Variants in KHDRBS2 observed in about 807,000 individuals in gnomAD.
The protein encoded by KHDRBS2 is KH RNA binding domain containing, signal transduction associated 2, also known as KH domain-containing, RNA-binding, signal transduction-associated protein 2.
KHDRBS2 carries 26 observed loss-of-function variants against 44.3 expected under a neutral mutation model. The ratio of observed to expected loss-of-function variants is 0.59; its 90% CI spans 0.43 to 0.81. The LOEUF (loss-of-function observed/expected upper bound fraction) is 0.81, where lower values mean the gene tolerates loss of function less well. Among genes scored for constraint, KHDRBS2 ranks in the 40% least tolerant of loss-of-function variants. The pLI is 0.00. For missense variants in KHDRBS2, 476 were observed against 433.1 expected, an observed-to-expected ratio of 1.10 and a Z score of -0.88; for synonymous variants, 194 against 151.1, an observed-to-expected ratio of 1.28 and a Z score of -2.08.
the KHDRBS2 span, among the ~76,000 whole-genome samples, chr6:61,583,004 C>G: frequency 6.6e-6 from 1 of 151,706 alleles, no homozygotes; most frequent in Non-Finnish European, 1.5e-5. Flanking sequence ...ATGTAAACTT[C>G]CTATGTTTTT....
At chr6:61,965,004 G>C (rs1218236941) in intron 4 of KHDRBS2, among the ~76,000 whole-genome samples, 3 of 152,108 alleles carry the variant, frequency 2.0e-5, no homozygotes, top group Non-Finnish European at 4.4e-5. Context: ...GAATATTCAT[G>C]TATGTTGCAC....
chr6:62,053,347 C>G (rs895198403), intron 2 of KHDRBS2, among the ~76,000 whole-genome samples: 2 of 151,040 alleles, frequency 1.3e-5, no homozygotes, highest in African/African-American at 2.4e-5. Context: ...ACCAAAGCCA[C>G]TCATAAAAGA....
chr6:61,825,777 G>A (rs1583031565), intron 6 of KHDRBS2, among the ~76,000 whole-genome samples: 1 of 152,120 alleles, frequency 6.6e-6, no homozygotes, highest in South Asian at 2.1e-4. Context: ...GCTAGGGAAA[G>A]CGACTTTACC....
At chr6:62,271,750 T>C (rs1345110625) in intron 1 of KHDRBS2, among the ~76,000 whole-genome samples, 1 of 151,798 alleles carries the variant, frequency 6.6e-6, no homozygotes, top group Admixed American at 6.6e-5. Context: ...ATAATAATAA[T>C]AAATTTAAAA....
At chr6:61,609,086 C>T in the KHDRBS2 span, among the ~76,000 whole-genome samples, 15 of 152,102 alleles carry the variant, frequency 9.9e-5, no homozygotes, top group African/African-American at 3.4e-4. Flanking sequence ...TTCTCCACAT[C>T]CTCTCCAGCA....
At chr6:62,278,340 C>A (rs1841301648) in intron 1 of KHDRBS2, among the ~76,000 whole-genome samples, 1 of 152,084 alleles carries the variant, frequency 6.6e-6, no homozygotes, top group African/African-American at 2.4e-5. Context: ...CCTTGTACAG[C>A]TGCTGTGGGA....
At chr6:61,708,627 T>C (rs1255546783) in intron 7 of KHDRBS2, among the ~76,000 whole-genome samples, 3 of 151,728 alleles carry the variant, frequency 2.0e-5, no homozygotes, top group South Asian at 4.1e-4. Flanking sequence ...AGGGCAGTCA[T>C]GTTTGTGTAT....
the KHDRBS2 span, among the ~76,000 whole-genome samples, chr6:61,620,751 T>C: frequency 2.6e-5 from 4 of 152,176 alleles, no homozygotes; most frequent in Admixed American, 2.6e-4. Flanking sequence ...AGCTGATAGC[T>C]GAAATCAGAA....
chr6:61,901,182 T>A (rs1803941095), intron 5 of KHDRBS2, 62 bp downstream of exon 5: 1 of 1,536,266 alleles, frequency 6.5e-7, no homozygotes, highest in African/African-American at 1.4e-5. Flanking sequence ...AATCATGACA[T>A]AAAGCAGGAC....
intron 2 of KHDRBS2, among the ~76,000 whole-genome samples, chr6:62,152,039 G>T (rs1017653236): frequency 6.6e-6 from 1 of 152,110 alleles, no homozygotes; most frequent in African/African-American, 2.4e-5. Context: ...GTGCTTACTG[G>T]CTGGGCACAG....
Position 61,931,320 on chromosome 6 carries a change from T to A in KHDRBS2, c.484-29949A>T, listed in dbSNP as rs142724761. On this transcript the variant is annotated intron_variant, in intron 4 of 8. Coordinates refer to ENST00000281156, the MANE Select transcript of KHDRBS2 (RefSeq NM_152688.4). ...TACTGAAACTTTCAGGTAACTAAACTTTTTATAAAGGTTGGAAGTTTTATA... is the reference window on the plus strand; with the variant it reads ...TACTGAAACTTTCAGGTAACTAAACATTTTATAAAGGTTGGAAGTTTTATA... 3.1e-3 allele frequency among the ~76,000 whole-genome samples: 464 copies of A among 152,050 alleles called. 1 individual carries two copies. The highest frequency in any genetic ancestry group is 5.0e-3 in the Non-Finnish European group (340 of 67,952).
At chr6:62,059,327 G>C (rs1791141955) in intron 2 of KHDRBS2, among the ~76,000 whole-genome samples, 1 of 145,200 alleles carries the variant, frequency 6.9e-6, no homozygotes. Flanking sequence ...AAAACATATG[G>C]GGCAGATGTA....
chr6:61,765,188 C>T (rs890848002), intron 6 of KHDRBS2, among the ~76,000 whole-genome samples: 1 of 152,114 alleles, frequency 6.6e-6, no homozygotes, highest in Admixed American at 6.6e-5. Context: ...ATAATCCCAG[C>T]ATTTCTATAA....
At chr6:61,959,714 T>C (rs955264566) in intron 4 of KHDRBS2, among the ~76,000 whole-genome samples, 1 of 152,160 alleles carries the variant, frequency 6.6e-6, no homozygotes, top group Admixed American at 6.6e-5. Context: ...GGTTAAGTTA[T>C]GGGTTAGGTA....
intron 1 of KHDRBS2, among the ~76,000 whole-genome samples, chr6:62,236,047 G>A (rs896154594): frequency 5.9e-5 from 9 of 152,002 alleles, no homozygotes; most frequent in African/African-American, 1.2e-4. Context: ...AATCAAAATC[G>A]TTCATGGTCT....
At chr6:61,916,926 C>T (rs1807111345) in intron 4 of KHDRBS2, among the ~76,000 whole-genome samples, 1 of 150,074 alleles carries the variant, frequency 6.7e-6, no homozygotes, top group Admixed American at 6.7e-5. Context: ...ACTGACACCA[C>T]CAAATGCTGG....
At chr6:62,264,658 G>A (rs1377125188) in intron 1 of KHDRBS2, among the ~76,000 whole-genome samples, 5 of 151,562 alleles carry the variant, frequency 3.3e-5, no homozygotes, top group African/African-American at 7.3e-5. Context: ...ATAATTGACC[G>A]ATTTTACACT....
chr6:61,812,768 A>G (rs920802480), intron 6 of KHDRBS2, among the ~76,000 whole-genome samples: 1 of 152,106 alleles, frequency 6.6e-6, no homozygotes, highest in African/African-American at 2.4e-5. Flanking sequence ...ACAAGGAAAC[A>G]AAAACAAAAA....
intron 4 of KHDRBS2, among the ~76,000 whole-genome samples, chr6:61,952,505 T>C (rs1300046953): frequency 5.9e-5 from 9 of 152,244 alleles, no homozygotes; most frequent in African/African-American, 1.9e-4. Flanking sequence ...CAGATGTGTT[T>C]TTATTAGGTT....
Sources: allele counts gnomAD v4.1 joint callset (sites outside exome capture counted in the v4.1 genomes callset), GRCh38; gene constraint gnomAD v4.1.1; transcripts MANE v1.5; gene names NCBI Gene and HGNC (gene_info 2026-07-23, HGNC 2026-07-21).